ARHGAP24: variants seen among roughly 807,000 people sequenced by gnomAD.
The protein encoded by ARHGAP24 is rho GTPase-activating protein 24.
A neutral mutation model predicts 76.4 loss-of-function variants in ARHGAP24; 50 were observed. The observed-to-expected ratio is 0.65, with a 90% CI of 0.52 to 0.83. The LOEUF (loss-of-function observed/expected upper bound fraction) is 0.83. ARHGAP24 is among the 40% of genes least tolerant of loss of function. The pLI is 0.00. For missense variants in ARHGAP24, 930 were observed against 914.2 expected, an observed-to-expected ratio of 1.02 and a Z score of -0.22; for synonymous variants, 345 against 323.3, an observed-to-expected ratio of 1.07 and a Z score of -0.72.
At position 85,973,833 on chromosome 4, in the gene ARHGAP24, GTTT is replaced by G. The variant is rs1199796194; in HGVS notation, c.733-1030_733-1028del. Among the ~76,000 whole-genome samples, 6 of 42,822 alleles carry G rather than the reference GTTT, an allele frequency of 1.4e-4. No homozygotes were observed. The East Asian group carries it at 3.8e-3, about 27-fold the overall frequency. 28.1% of individuals were successfully genotyped at this position (42,822 alleles called of 152,430 possible). A position where few individuals can be genotyped will look rare whatever the true frequency, so the allele number is the denominator to read the frequency against. On this transcript the variant is annotated intron_variant, in intron 6 of 9. Transcript: ENST00000395184. The stretch of plus-strand genomic sequence containing the variant: ...CTCATGTCAAAAACTGCTGCCTATT[GTTT>G]TTTTTTTTTTTTTTTTTTTTTTTTG...
In ARHGAP24 at chr4:85,747,432, G is replaced by A. The variant is rs1470273828; in HGVS notation, c.268+25460G>A. 7.2e-5 allele frequency among the ~76,000 whole-genome samples: 11 copies of A among 152,112 alleles called. No homozygotes were observed. The East Asian group carries it at 1.9e-3, about 27-fold the overall frequency. ...ATAGCTGAAAATTGAGGCCGGGGGC[G>A]GTGGCTCACACCTGTAATCCCAGCA... On this transcript the variant is annotated intron_variant, in intron 3 of 9. Transcript: ENST00000395184.
intron 1 of ARHGAP24, among the ~76,000 whole-genome samples, chr4:85,558,056 T>C (rs1047398843): frequency 1.4e-4 from 22 of 152,152 alleles, no homozygotes; most frequent in African/African-American, 5.3e-4. Flanking sequence ...CCTCAGATGC[T>C]CATCCTTTCA....
intron 3 of ARHGAP24, among the ~76,000 whole-genome samples, chr4:85,756,278 A>G (rs933365546): frequency 1.3e-5 from 2 of 152,240 alleles, no homozygotes; most frequent in South Asian, 2.1e-4. Flanking sequence ...AAGCTGTTCT[A>G]TACATTTAAT....
At position 85,995,586 on chromosome 4, in the gene ARHGAP24, G is replaced by T. The variant is rs1560775222; in HGVS notation, c.1932G>T (p.Leu644=). ...VGNSSSNHSA[L]HSLVSSLKQE... is the part of the protein sequence containing the mutation. The stretch of plus-strand genomic sequence containing the variant: ...ACAGCAGCAGCAACCACAGTGCACT[G>T]CACAGTTTAGTTTCCAGCCTGAAAC... The change falls in exon 9 of 10, where the codon CTG becomes CTT. Residue 644 remains leucine (L), a synonymous_variant. Coordinates refer to ENST00000395184, the MANE Select transcript of ARHGAP24 (RefSeq NM_001025616.3). The T allele has an allele frequency of 6.2e-7, 1 of 1,614,000 alleles. No homozygotes were observed. The highest frequency in any genetic ancestry group is 8.5e-7 in the Non-Finnish European group (1 of 1,179,970).
chr4:85,671,565 AAG>A (rs1191159518), intron 2 of ARHGAP24, among the ~76,000 whole-genome samples: 6 of 152,172 alleles, frequency 3.9e-5, no homozygotes, highest in Non-Finnish European at 8.8e-5. Flanking sequence ...GGTATATATA[AAG>A]AGAGGTTTTA....
chr4:85,864,175 T>C (rs1173476920), intron 3 of ARHGAP24, among the ~76,000 whole-genome samples: 1 of 152,078 alleles, frequency 6.6e-6, no homozygotes, highest in African/African-American at 2.4e-5. Flanking sequence ...CATTCACCAG[T>C]GGAAGCTCCC....
intron 3 of ARHGAP24, among the ~76,000 whole-genome samples, chr4:85,757,372 C>T (rs988895298): frequency 1.3e-5 from 2 of 151,868 alleles, no homozygotes; most frequent in African/African-American, 2.4e-5. Context: ...CCCTCTCCCG[C>T]AACCCCACGA....
In ARHGAP24 at chr4:85,656,553, C is replaced by T. The variant is rs557553021; in HGVS notation, c.181-65332C>T. Among the ~76,000 whole-genome samples, 158 of 152,160 alleles carry T rather than the reference C, an allele frequency of 1.0e-3. 1 individual carries two copies. Among genetic ancestry groups the T allele is most frequent in the African/African-American group, 3.6e-3 (149 of 41,508 alleles). ...CGTGATCTTGGCTTACTGCAAACTT[C>T]GCCTCCTGAGTTCAAGCGATTCTCC... On this transcript the variant is annotated intron_variant, in intron 2 of 9. Transcript: ENST00000395184.
chr4:85,593,535 C>G (rs567564615), intron 2 of ARHGAP24, among the ~76,000 whole-genome samples: 7 of 152,232 alleles, frequency 4.6e-5, no homozygotes, highest in African/African-American at 1.7e-4. Flanking sequence ...TTTGCCCAGT[C>G]CAATGTCCTG....
intron 3 of ARHGAP24, among the ~76,000 whole-genome samples, chr4:85,884,698 T>A (rs1733461184): frequency 6.6e-6 from 1 of 152,198 alleles, no homozygotes; most frequent in Non-Finnish European, 1.5e-5. Context: ...TGTGGAATGT[T>A]TGACTTTCTT....
At chr4:85,737,169 T>G (rs1177038234) in intron 3 of ARHGAP24, among the ~76,000 whole-genome samples, 1 of 152,122 alleles carries the variant, frequency 6.6e-6, no homozygotes, top group Non-Finnish European at 1.5e-5. Context: ...ATAACCTTCC[T>G]TCTCTAAATG....
intron 3 of ARHGAP24, among the ~76,000 whole-genome samples, chr4:85,753,591 C>G (rs1368751717): frequency 2.0e-5 from 3 of 152,164 alleles, no homozygotes; most frequent in African/African-American, 4.8e-5. Flanking sequence ...TTTATGCGCC[C>G]CACATATGAG....
intron 3 of ARHGAP24, among the ~76,000 whole-genome samples, chr4:85,754,311 T>A (rs527529806): frequency 6.6e-6 from 1 of 152,396 alleles, no homozygotes; most frequent in South Asian, 2.1e-4. Flanking sequence ...ATATCACATT[T>A]TCTTTATCCA....
chr4:85,947,848 T>G (rs1029786317), intron 5 of ARHGAP24, among the ~76,000 whole-genome samples: 8 of 152,184 alleles, frequency 5.3e-5, no homozygotes, highest in Non-Finnish European at 1.5e-5. Flanking sequence ...TATTATACAG[T>G]TTTAACATTT....
At chr4:85,737,514 C>A (rs1446028116) in intron 3 of ARHGAP24, among the ~76,000 whole-genome samples, 2 of 152,174 alleles carry the variant, frequency 1.3e-5, no homozygotes, top group African/African-American at 4.8e-5. Flanking sequence ...CAGAAGGAGC[C>A]AAGCACAATG....
chr4:85,973,921 C>A (rs893470309), intron 6 of ARHGAP24, among the ~76,000 whole-genome samples: 1 of 140,448 alleles, frequency 7.1e-6, no homozygotes, highest in African/African-American at 2.7e-5. Flanking sequence ...TGGCTCACTG[C>A]AAGCTCCGCC....
chr4:85,551,250 TTTATC>T (rs1316692419), intron 1 of ARHGAP24, among the ~76,000 whole-genome samples: 7 of 152,342 alleles, frequency 4.6e-5, no homozygotes, highest in Non-Finnish European at 8.8e-5. Flanking sequence ...GATGTTGAAT[TTTATC>T]AAAAGCCTTT....
intron 3 of ARHGAP24, among the ~76,000 whole-genome samples, chr4:85,820,810 G>T (rs1729435363): frequency 6.6e-6 from 1 of 151,908 alleles, no homozygotes; most frequent in Admixed American, 6.6e-5. Flanking sequence ...GTTCTAAAAG[G>T]TCTTAAAAAA....
intron 3 of ARHGAP24, among the ~76,000 whole-genome samples, chr4:85,914,586 C>T (rs907149431): frequency 6.6e-6 from 1 of 152,176 alleles, no homozygotes. Flanking sequence ...TTTCACATTT[C>T]TTCCCCTATG....
Sources: gnomAD v4.1 joint callset for allele counts (sites outside exome capture counted in the v4.1 genomes callset) on GRCh38, gnomAD v4.1.1 for gene constraint, MANE v1.5 for transcripts, NCBI Gene and HGNC (gene_info 2026-07-23, HGNC 2026-07-21) for gene names.